The following ADAM32 variants were observed in gnomAD, a reference collection of about 807,000 sequenced individuals.
ADAM32 encodes disintegrin and metalloproteinase domain-containing protein 32.
ADAM32 carries 89 observed loss-of-function variants against 114.9 expected under a neutral mutation model. The observed-to-expected ratio is 0.77, with a 90% CI of 0.65 to 0.92. The LOEUF (loss-of-function observed/expected upper bound fraction) is 0.92, where lower values mean the gene tolerates loss of function less well. Ranked by LOEUF, ADAM32 falls within the 40% of genes least tolerant of loss-of-function variation. The probability of loss-of-function intolerance (pLI) is 0.00; values close to 1 mark genes in which losing one functional copy is unlikely to be tolerated. For missense variants in ADAM32, 870 were observed against 932.8 expected (o/e 0.93, Z 0.88); for synonymous variants, 285 against 307.5 (o/e 0.93, Z 0.77).
At chr8:39,282,926 T>TA (rs1278118242) in intron 23 of ADAM32, among the ~76,000 whole-genome samples, 3 of 152,086 alleles carry the variant, frequency 2.0e-5, no homozygotes, top group Non-Finnish European at 4.4e-5. Context: ...TTTGAAGATA[T>TA]AAAATAGCAA....
rs551531939 is a variant in ADAM32, at chr8:39,201,232, A to G, written c.1053-9912A>G. ...CCTTGGGCAGTATGGCCATTTTCAC[A>G]ATATTGATTCTTCCTACCCATGAGC... On this transcript the variant is annotated intron_variant, in intron 11 of 24. Coordinates refer to ENST00000379907, the MANE Select transcript of ADAM32 (RefSeq NM_145004.7). 6.6e-5 allele frequency among the ~76,000 whole-genome samples: 10 copies of G among 152,252 alleles called. No individual in the cohort carries two copies. The South Asian group carries it at 1.0e-3, about 16-fold the overall frequency.
chr8:39,112,456 T>G (rs56276963), intron 1 of ADAM32, among the ~76,000 whole-genome samples: 39,938 of 152,072 alleles, frequency 0.26, 6,239 homozygotes, highest in East Asian at 0.52. Context: ...AAGGCTTCCC[T>G]TGGTACAATG....
chr8:39,140,328 C>A (rs1451246759), intron 3 of ADAM32, among the ~76,000 whole-genome samples: 1 of 152,094 alleles, frequency 6.6e-6, no homozygotes, highest in Non-Finnish European at 1.5e-5. Context: ...AGATACATTC[C>A]ATCAATACCT....
intron 10 of ADAM32, among the ~76,000 whole-genome samples, chr8:39,176,324 A>T (rs1386543644): frequency 1.3e-5 from 2 of 152,082 alleles, no homozygotes; most frequent in African/African-American, 4.8e-5. Context: ...TGGCCATTTA[A>T]TCCTATGAAT....
At chr8:39,116,853 G>A (rs1279559460) in intron 1 of ADAM32, among the ~76,000 whole-genome samples, 2 of 151,866 alleles carry the variant, frequency 1.3e-5, no homozygotes, top group Non-Finnish European at 2.9e-5. Flanking sequence ...TCCCCATTCA[G>A]TATGATGTTA....
intron 17 of ADAM32, among the ~76,000 whole-genome samples, chr8:39,248,224 A>G (rs1811054944): frequency 6.6e-6 from 1 of 152,178 alleles, no homozygotes; most frequent in Admixed American, 6.5e-5. Context: ...ATTTCCACAG[A>G]ACACCTTGCT....
chr8:39,248,584 T>C (rs1811081690), intron 17 of ADAM32, among the ~76,000 whole-genome samples: 1 of 152,188 alleles, frequency 6.6e-6, no homozygotes, highest in Non-Finnish European at 1.5e-5. Context: ...CCAAGGGTTC[T>C]TCAATTCTTT....
intron 2 of ADAM32, chr8:39,130,956 CTTTTTTT>C (rs71218310): frequency 5.5e-5 from 18 of 329,990 alleles, no homozygotes; most frequent in African/African-American, 1.9e-4. Context: ...AGGAGGATGT[CTTTTTTT>C]TTTTTTTTTT....
chr8:39,108,993 C>T (rs1840042158), intron 1 of ADAM32, among the ~76,000 whole-genome samples: 1 of 152,186 alleles, frequency 6.6e-6, no homozygotes, highest in African/African-American at 2.4e-5. Context: ...CCCTGATTAC[C>T]TCCCAAAGGC....
chr8:39,224,512 TGA>T (rs1253902826), intron 14 of ADAM32, among the ~76,000 whole-genome samples: 1 of 152,194 alleles, frequency 6.6e-6, no homozygotes, highest in Admixed American at 6.5e-5. Context: ...TGATTAGTGA[TGA>T]GCATCTTTTC....
chr8:39,240,124 A>G (rs1050671920), intron 16 of ADAM32, among the ~76,000 whole-genome samples: 3 of 152,214 alleles, frequency 2.0e-5, no homozygotes, highest in Non-Finnish European at 4.4e-5. Flanking sequence ...CAGAATATGT[A>G]TTTCTATTCA....
At chr8:39,187,388 C>T (rs553486866) in intron 11 of ADAM32, among the ~76,000 whole-genome samples, 20 of 152,254 alleles carry the variant, frequency 1.3e-4, no homozygotes, top group East Asian at 7.7e-4. Flanking sequence ...TCTCCTGCCT[C>T]GGCCTCCCGA....
chr8:39,282,843 G>A (rs2129451844), intron 23 of ADAM32, among the ~76,000 whole-genome samples: 1 of 152,152 alleles, frequency 6.6e-6, no homozygotes, highest in Non-Finnish European at 1.5e-5. Context: ...CTTTTTATTG[G>A]TTTGGGAGAT....
At chr8:39,258,471 T>C (rs1203876536) in intron 19 of ADAM32, among the ~76,000 whole-genome samples, 1 of 152,076 alleles carries the variant, frequency 6.6e-6, no homozygotes, top group African/African-American at 2.4e-5. Context: ...TTGAAAAATC[T>C]AGCAGGATTT....
chr8:39,231,637 T>C (rs1809740417), intron 14 of ADAM32, among the ~76,000 whole-genome samples: 1 of 152,182 alleles, frequency 6.6e-6, no homozygotes, highest in Non-Finnish European at 1.5e-5. Context: ...TACAACGAAG[T>C]TTCTTCTCAT....
At chr8:39,282,394 C>T (rs562133656) in intron 23 of ADAM32, among the ~76,000 whole-genome samples, 1 of 152,156 alleles carries the variant, frequency 6.6e-6, no homozygotes, top group South Asian at 2.1e-4. Context: ...TATCTCTCCT[C>T]ATAAAATATG....
rs577143615 is a variant in ADAM32, at chr8:39,123,860, T to A, written c.138+5695T>A. Among the ~76,000 whole-genome samples the A allele has an allele frequency of 3.9e-5, 6 of 152,056 alleles. No homozygotes were observed. The East Asian group carries it at 1.2e-3, about 29-fold the overall frequency. On this transcript the variant is annotated intron_variant, in intron 2 of 24. Transcript: ENST00000379907. Reference sequence around the variant, plus strand: ...TAGCTGGGATTACAGGCACACGCCATGACACCCAGCTAATTTTTGTATTTT... The same window carrying A: ...TAGCTGGGATTACAGGCACACGCCAAGACACCCAGCTAATTTTTGTATTTT...
chr8:39,203,934 T>C (rs957686072), intron 11 of ADAM32, among the ~76,000 whole-genome samples: 12 of 152,196 alleles, frequency 7.9e-5, no homozygotes, highest in African/African-American at 2.9e-4. Context: ...GAAAATTCTT[T>C]TCTTTAAGAA....
At chr8:39,203,449 G>A (rs559486639) in intron 11 of ADAM32, among the ~76,000 whole-genome samples, 11 of 152,188 alleles carry the variant, frequency 7.2e-5, no homozygotes, top group Admixed American at 2.6e-4. Flanking sequence ...GACTAGGATC[G>A]CAACCCCTGC....
Sources: allele counts gnomAD v4.1 joint callset (sites outside exome capture counted in the v4.1 genomes callset), GRCh38; gene constraint gnomAD v4.1.1; transcripts MANE v1.5; gene names NCBI Gene and HGNC (gene_info 2026-07-23, HGNC 2026-07-21).